MCF2: variants seen among roughly 807,000 people sequenced by gnomAD.
The protein encoded by MCF2 is proto-oncogene DBL.
In MCF2, 44 loss-of-function variants were observed where a neutral mutation model predicts 82.5. The ratio of observed to expected loss-of-function variants is 0.53; its 90% CI spans 0.42 to 0.69. The LOEUF is 0.69. MCF2 is among the 30% of genes least tolerant of loss of function. The pLI, the probability that MCF2 is intolerant of heterozygous loss-of-function variation, is 0.00. For missense variants in MCF2, 623 were observed against 663.1 expected, an observed-to-expected ratio of 0.94 and a Z score of 0.66; for synonymous variants, 217 against 224.9, an observed-to-expected ratio of 0.96 and a Z score of 0.32.
At chrX:139,617,462 GA>G in intron 8 of MCF2, 50 bp downstream of exon 11, 3 of 1,033,524 alleles carry the variant, frequency 2.9e-6, no homozygotes, top group African/African-American at 1.9e-5. Context: ...GCAGGACCTG[GA>G]AAAAAATGTG....
chrX:139,626,538 A>C (rs1932765303), intron 5 of MCF2, 85 bp downstream of exon 8: 4 of 929,181 alleles, frequency 4.3e-6, no homozygotes, highest in Admixed American at 5.1e-5. Context: ...GAATACTTTA[A>C]CACTTAACAT....
chrX:139,635,391 C>G, intron 1 of MCF2, among the ~76,000 whole-genome samples: 1 of 111,308 alleles, frequency 9.0e-6, no homozygotes, highest in East Asian at 2.8e-4. Context: ...CACGGTGGCT[C>G]ACACCTGTAA....
intron 10 of MCF2, 38 bp downstream of exon 13, chrX:139,614,843 G>A (rs1198040429): frequency 8.8e-7 from 1 of 1,132,978 alleles, no homozygotes; most frequent in South Asian, 2.0e-5. Context: ...ATAAACAATA[G>A]CAAGAAAAAA....
At chrX:139,659,018 G>C (rs189968308) in intron 1 of MCF2, among the ~76,000 whole-genome samples, 2 of 111,394 alleles carry the variant, frequency 1.8e-5, no homozygotes, top group Non-Finnish European at 3.8e-5. Context: ...GGCTGGGTGC[G>C]GTGGCTCACG....
intron 22 of MCF2, among the ~76,000 whole-genome samples, chrX:139,587,235 C>A (rs1268690253): frequency 9.1e-6 from 1 of 110,474 alleles, no homozygotes; most frequent in African/African-American, 3.3e-5. Flanking sequence ...CTGGTTGTGT[C>A]CAGGCTCAGT....
chrX:139,683,109 T>C (rs184881069), intron 1 of MCF2, among the ~76,000 whole-genome samples: 1 of 111,615 alleles, frequency 9.0e-6, no homozygotes, highest in Non-Finnish European at 1.9e-5. Flanking sequence ...TTTTAAAATA[T>C]ATTTTGTAGA....
chrX:139,693,028 T>G (rs2148578662), intron 1 of MCF2, among the ~76,000 whole-genome samples: 1 of 111,301 alleles, frequency 9.0e-6, no homozygotes, highest in East Asian at 2.9e-4. Context: ...GGCAACCCGT[T>G]TAAGAAGCCA....
At chrX:139,598,696 T>C (rs774561976) in intron 16 of MCF2, among the ~76,000 whole-genome samples, 198 bp from the exon 21 acceptor site, 67 of 111,657 alleles carry the variant, frequency 6.0e-4, no homozygotes, top group Non-Finnish European at 9.6e-4. Context: ...ATTTCAAGGA[T>C]TGGAGAGGTA....
chrX:139,619,855 A>G, intron 6 of MCF2, 149 bp from the exon 10 acceptor site: 1 of 413,312 alleles, frequency 2.4e-6, no homozygotes. Flanking sequence ...AAATAGCTAT[A>G]ATCTGTTAAA....
chrX:139,676,321 G>C (rs1455217778), intron 1 of MCF2, among the ~76,000 whole-genome samples: 5 of 111,784 alleles, frequency 4.5e-5, no homozygotes, highest in Non-Finnish European at 9.4e-5. Flanking sequence ...CACCCTCCAT[G>C]CGCTGCACCC....
intron 1 of MCF2, among the ~76,000 whole-genome samples, chrX:139,638,531 G>A (rs1204499286): frequency 2.7e-5 from 3 of 111,616 alleles, no homozygotes; most frequent in African/African-American, 9.8e-5. Flanking sequence ...GCACTCATAA[G>A]TCAGTTCACT....
At chrX:139,632,415 G>T (rs747639067) in exon 2 of MCF2, 1 of 1,203,160 alleles carries the variant, frequency 8.3e-7, no homozygotes, top group Non-Finnish European at 1.1e-6. Context: ...CTGGTAGGAC[G>T]TAAAACCAAA....
intron 23 of MCF2, 98 bp from the exon 28 acceptor site, chrX:139,585,276 T>TA (rs923598376): frequency 7.9e-6 from 4 of 507,615 alleles, no homozygotes; most frequent in African/African-American, 7.2e-5. Context: ...AAGTTGAATT[T>TA]AAAAAAATGG....
chrX:139,594,099 T>C (rs6635890), intron 19 of MCF2, among the ~76,000 whole-genome samples: 1,769 of 110,643 alleles, frequency 0.016, 34 homozygotes, highest in African/African-American at 0.055. Flanking sequence ...TGGAAGAACA[T>C]TCCATGCTCA....
At chrX:139,693,099 T>C (rs757772700) in intron 1 of MCF2, among the ~76,000 whole-genome samples, 9 of 111,340 alleles carry the variant, frequency 8.1e-5, no homozygotes, top group Admixed American at 3.8e-4. Context: ...ACTCAGGGAC[T>C]GGGCCGAGGG....
At chrX:139,592,497 T>C (rs188090126) in intron 19 of MCF2, among the ~76,000 whole-genome samples, 7 of 111,856 alleles carry the variant, frequency 6.3e-5, no homozygotes, top group Admixed American at 1.9e-4. Flanking sequence ...AGAAATTAGG[T>C]CACCTCATGA....
rs773622529 is a variant in MCF2, at chrX:139,610,229, G to A, written c.1401+72C>T. ...AATATTTGTCTAGTGAATGAAACAT[G>A]TGATTTAAGGCTCATACCAACTCTG... On this transcript the variant is annotated intron_variant, in intron 11 of 24. Coordinates refer to ENST00000370576, the Ensembl canonical transcript of MCF2. 16 of 654,214 alleles carry A rather than the reference G, an allele frequency of 2.4e-5. No individual in the cohort carries two copies. In the East Asian group the frequency reaches 3.4e-4, roughly 14 times the overall value. The allele number at this position is 654,214 out of a possible 1,213,427, so 53.9% of individuals were successfully genotyped here. A position where few individuals can be genotyped will look rare whatever the true frequency, so the allele number is the denominator to read the frequency against.
chrX:139,597,580 T>C, exon 18 of MCF2: 1 of 1,147,969 alleles, frequency 8.7e-7, no homozygotes. Context: ...TATATTTTAA[T>C]AGCTCCTGTA....
intron 1 of MCF2, chrX:139,691,973 C>T (rs1481465943): frequency 1.7e-6 from 2 of 1,166,825 alleles, no homozygotes; most frequent in South Asian, 1.9e-5. Flanking sequence ...TCTCGGCAAT[C>T]CTCACGCGCT....
Sources: allele counts gnomAD v4.1 joint callset (sites outside exome capture counted in the v4.1 genomes callset), GRCh38; gene constraint gnomAD v4.1.1; transcripts MANE v1.5; gene names NCBI Gene and HGNC (gene_info 2026-07-23, HGNC 2026-07-21).